NCAM1: variants seen among roughly 807,000 people sequenced by gnomAD.
NCAM1 encodes neural cell adhesion molecule 1, also known as antigen recognized by monoclonal antibody 5.1H11.
Under a neutral mutation model 109.8 loss-of-function variants are expected in NCAM1, and 14 were observed. The ratio of observed to expected loss-of-function variants is 0.13; its 90% confidence interval spans 0.08 to 0.20. The LOEUF (loss-of-function observed/expected upper bound fraction) is 0.20, where lower values mean the gene tolerates loss of function less well. Among genes scored for constraint, NCAM1 ranks in the 10% least tolerant of loss-of-function variants. The probability of loss-of-function intolerance (pLI) is 1.00; values close to 1 mark genes in which losing one functional copy is unlikely to be tolerated. For missense variants in NCAM1, 774 were observed against 1,109.9 expected (o/e 0.70, Z 4.30); for synonymous variants, 418 against 442.9 (o/e 0.94, Z 0.70).
At chr11:113,185,247 G>T (rs1298486351) in intron 1 of NCAM1, among the ~76,000 whole-genome samples, 1 of 151,880 alleles carries the variant, frequency 6.6e-6, no homozygotes, top group African/African-American at 2.4e-5. Context: ...AGCAGATGGT[G>T]TAAGATCCAG....
intron 1 of NCAM1, among the ~76,000 whole-genome samples, chr11:112,970,104 G>C (rs1224106879): frequency 6.6e-6 from 1 of 152,160 alleles, no homozygotes; most frequent in Non-Finnish European, 1.5e-5. Context: ...TTGAAGAGCA[G>C]TTAAAGGCTG....
rs1279101909 is a variant in NCAM1, at chr11:113,275,478, GCACA to G, written c.*98_*101del. ...CAACACCACAGACACACACACGCAC[GCACA>G]CACACAAACACACATGCACACACAC... On this transcript the variant is annotated 3_prime_UTR_variant, in exon 20 of 20. Transcript: ENST00000316851. The G allele has an allele frequency of 5.2e-5, 75 of 1,448,516 alleles. No individual in the cohort carries two copies. Among genetic ancestry groups the G allele is most frequent in the East Asian group, 9.9e-5 (4 of 40,318 alleles). The allele number at this position is 1,448,516 out of a possible 1,614,324, so 89.7% of individuals were successfully genotyped here.
intron 2 of NCAM1, 73 bp from the exon 3 acceptor site, chr11:113,204,213 C>A: frequency 8.0e-7 from 1 of 1,251,150 alleles, no homozygotes; most frequent in Non-Finnish European, 1.1e-6. Flanking sequence ...TACTGATCAG[C>A]CACTGTCAGT....
At chr11:113,015,774 G>A (rs549436738) in intron 1 of NCAM1, among the ~76,000 whole-genome samples, 7 of 152,020 alleles carry the variant, frequency 4.6e-5, no homozygotes, top group Admixed American at 1.3e-4. Context: ...AAAAGATAGC[G>A]TCAGTCCTAA....
chr11:113,029,440 A>G (rs1952651043), intron 1 of NCAM1, among the ~76,000 whole-genome samples: 1 of 152,230 alleles, frequency 6.6e-6, no homozygotes, highest in Non-Finnish European at 1.5e-5. Context: ...TTATCTAATG[A>G]ATCAAACAAG....
Position 113,145,446 on chromosome 11 carries a change from A to C in NCAM1, c.53-56933A>C, listed in dbSNP as rs184417469. On this transcript the variant is annotated intron_variant, in intron 1 of 19. Coordinates refer to ENST00000316851, the MANE Select transcript of NCAM1 (RefSeq NM_181351.5). Reference sequence around the variant, plus strand: ...TTCTGGAACAATTGCCAAAAGGAAAAATCAGAATCTCCCACTCAATCTTTC... The same window carrying C: ...TTCTGGAACAATTGCCAAAAGGAAACATCAGAATCTCCCACTCAATCTTTC... Among the ~76,000 whole-genome samples the C allele has an allele frequency of 1.3e-3, 202 of 152,306 alleles. 1 individual carries two copies. The highest frequency in any genetic ancestry group is 4.8e-3 in the African/African-American group (201 of 41,564).
chr11:113,181,699 A>G (rs1388414238), intron 1 of NCAM1, among the ~76,000 whole-genome samples: 1 of 134,868 alleles, frequency 7.4e-6, no homozygotes, highest in Admixed American at 7.0e-5. Flanking sequence ...GAAAAAAAAG[A>G]GGGGGTGGTT....
chr11:112,970,881 C>A (rs1950860489), intron 1 of NCAM1, among the ~76,000 whole-genome samples: 1 of 151,928 alleles, frequency 6.6e-6, no homozygotes, highest in Non-Finnish European at 1.5e-5. Flanking sequence ...AACAAAGCAA[C>A]CAAGGGTAGA....
At chr11:113,224,069 C>CT (rs1944763364) in intron 9 of NCAM1, among the ~76,000 whole-genome samples, 1 of 152,206 alleles carries the variant, frequency 6.6e-6, no homozygotes, top group Admixed American at 6.5e-5. Context: ...TCACTGGGGA[C>CT]TGTCGGACAG....
chr11:113,263,411 T>C, intron 17 of NCAM1: 1 of 989,096 alleles, frequency 1.0e-6, no homozygotes, highest in East Asian at 1.1e-4. Flanking sequence ...AATTAAGCAT[T>C]TAAGTGCCCA....
intron 9 of NCAM1, among the ~76,000 whole-genome samples, chr11:113,226,578 A>G (rs1944852847): frequency 6.6e-6 from 1 of 152,230 alleles, no homozygotes; most frequent in Non-Finnish European, 1.5e-5. Context: ...CACCAAGTGG[A>G]GCTAATAGAC....
chr11:112,970,171 G>T (rs559644304), intron 1 of NCAM1, among the ~76,000 whole-genome samples: 46 of 152,284 alleles, frequency 3.0e-4, no homozygotes, highest in African/African-American at 1.1e-3. Flanking sequence ...GAGGAGTCCT[G>T]CTGGAGATGA....
intron 1 of NCAM1, among the ~76,000 whole-genome samples, chr11:113,050,338 A>G (rs1257091719): frequency 1.3e-5 from 2 of 152,218 alleles, no homozygotes; most frequent in South Asian, 2.1e-4. Context: ...CTGAAAAACT[A>G]CTGGCTCAGG....
At position 113,256,680 on chromosome 11, in the gene NCAM1, T is replaced by C. The variant is rs188945593; in HGVS notation, c.1953+679T>C. Among the ~76,000 whole-genome samples, 498 of 152,324 alleles carry C rather than the reference T, an allele frequency of 3.3e-3. 2 individuals are homozygous for C. The highest frequency in any genetic ancestry group is 0.012 in the African/African-American group (481 of 41,556). On this transcript the variant is annotated intron_variant, in intron 16 of 19. Coordinates refer to ENST00000316851, the MANE Select transcript of NCAM1 (RefSeq NM_181351.5). ...TGGCTCTAAGCCACCTTCTCCTGGT[T>C]TGCTCACCACCCACTTAAGATTCCC...
intron 1 of NCAM1, among the ~76,000 whole-genome samples, chr11:113,088,162 T>C (rs1246261991): frequency 2.6e-5 from 4 of 152,186 alleles, no homozygotes; most frequent in Non-Finnish European, 4.4e-5. Context: ...TCATCAGAAA[T>C]GAATAAATAG....
chr11:113,057,948 T>C (rs186989379), intron 1 of NCAM1, among the ~76,000 whole-genome samples: 83 of 152,176 alleles, frequency 5.5e-4, no homozygotes, highest in African/African-American at 1.9e-3. Context: ...ATTGGAGCTA[T>C]GGGGGAAGAG....
chr11:113,158,589 G>A (rs1180711229), intron 1 of NCAM1, among the ~76,000 whole-genome samples: 2 of 152,098 alleles, frequency 1.3e-5, no homozygotes, highest in Non-Finnish European at 2.9e-5. Context: ...CCTGTAATAA[G>A]CCAATCCCTG....
intron 1 of NCAM1, among the ~76,000 whole-genome samples, chr11:113,007,812 G>A (rs1373493593): frequency 3.3e-5 from 5 of 152,204 alleles, no homozygotes; most frequent in African/African-American, 1.2e-4. Context: ...ACATGGAAAA[G>A]CATGGGCTTG....
chr11:113,233,064 C>T lies in NCAM1; in HGVS notation c.1523-83C>T. 1 of 1,365,350 alleles carries T rather than the reference C, an allele frequency of 7.3e-7. No individual in the cohort carries two copies. The highest frequency in any genetic ancestry group is 1.4e-5 in the African/African-American group (1 of 69,152). The allele number at this position is 1,365,350 out of a possible 1,614,324, so 84.6% of individuals were successfully genotyped here. A position where few individuals can be genotyped will look rare whatever the true frequency, so the allele number is the denominator to read the frequency against. ...GATTCCCAAGAGTGAGCAGAAATGA[C>T]AGAGATGTGCCTTGTGACTGAGAGT... On this transcript the variant is annotated intron_variant, in intron 12 of 19. Coordinates refer to ENST00000316851, the MANE Select transcript of NCAM1 (RefSeq NM_181351.5). This position sits in a 1 kb window ranked among gnomAD's most constrained non-coding sequence, Gnocchi z 4.5.
Sources: gnomAD v4.1 joint callset for allele counts (sites outside exome capture counted in the v4.1 genomes callset) on GRCh38, gnomAD v4.1.1 for gene constraint, Gnocchi (gnomAD v3.1) non-coding constraint, MANE v1.5 for transcripts, NCBI Gene and HGNC (gene_info 2026-07-23, HGNC 2026-07-21) for gene names.